PRKN: variants seen among roughly 807,000 people sequenced by gnomAD.
PRKN encodes the protein E3 ubiquitin-protein ligase parkin.
A neutral mutation model predicts 59.5 loss-of-function variants in PRKN; 56 were observed. The ratio of observed to expected loss-of-function variants is 0.94; its 90% CI spans 0.76 to 1.18. The LOEUF (loss-of-function observed/expected upper bound fraction) is 1.18, where lower values mean the gene tolerates loss of function less well. PRKN is among the 50% of genes most tolerant of loss of function. The probability of loss-of-function intolerance (pLI) is 0.00; values close to 1 mark genes in which losing one functional copy is unlikely to be tolerated. For synonymous variants in PRKN, 250 were observed against 222.1 expected (o/e 1.13, Z -1.12); for missense variants, 657 against 596.4 (o/e 1.10, Z -1.06).
chr6:161,952,661 A>G (rs950390808), intron 6 of PRKN, among the ~76,000 whole-genome samples: 12 of 152,178 alleles, frequency 7.9e-5, no homozygotes, highest in Non-Finnish European at 7.4e-5. Context: ...ACAGTAGTAA[A>G]ACTATGTGCC....
intron 5 of PRKN, among the ~76,000 whole-genome samples, chr6:162,018,103 T>C (rs1782996600): frequency 6.6e-6 from 1 of 152,204 alleles, no homozygotes; most frequent in Non-Finnish European, 1.5e-5. Context: ...CTCCGCTCAC[T>C]GCAAGCTCCA....
At chr6:162,185,751 T>G (rs927624202) in intron 4 of PRKN, among the ~76,000 whole-genome samples, 2 of 152,160 alleles carry the variant, frequency 1.3e-5, no homozygotes, top group African/African-American at 4.8e-5. Flanking sequence ...GCGGCATCCA[T>G]GGCCTCAACA....
chr6:162,609,540 A>C (rs187534970), intron 1 of PRKN, among the ~76,000 whole-genome samples: 3 of 152,176 alleles, frequency 2.0e-5, no homozygotes, highest in African/African-American at 7.2e-5. Context: ...TATCACTAAC[A>C]CTGATATCAA....
chr6:162,020,589 C>T (rs1488822959), intron 5 of PRKN, among the ~76,000 whole-genome samples: 3 of 151,866 alleles, frequency 2.0e-5, no homozygotes, highest in Non-Finnish European at 4.4e-5. Flanking sequence ...TGTAGGTAAA[C>T]AAAAAAGTTC....
At chr6:162,040,712 C>A (rs1400486897) in intron 5 of PRKN, among the ~76,000 whole-genome samples, 1 of 151,348 alleles carries the variant, frequency 6.6e-6, no homozygotes, top group African/African-American at 2.4e-5. Context: ...AGCCACCATG[C>A]CTGGCCTAGA....
intron 6 of PRKN, among the ~76,000 whole-genome samples, chr6:161,911,809 T>C (rs1358308151): frequency 5.3e-5 from 8 of 152,202 alleles, no homozygotes; most frequent in African/African-American, 1.7e-4. Flanking sequence ...ATCTCCATTG[T>C]ATTCCTTAAA....
intron 7 of PRKN, among the ~76,000 whole-genome samples, chr6:161,745,654 T>C (rs1340008628): frequency 6.6e-6 from 1 of 152,074 alleles, no homozygotes. Context: ...GGCTAGAATA[T>C]AGGAAAAGGA....
rs1194825564 is a variant in PRKN at position 161,369,518 on chromosome 6, G to C, written c.1168-9313C>G. On this transcript the variant is annotated intron_variant, in intron 10 of 11. Transcript: ENST00000366898. This position sits in a 1 kb window ranked among gnomAD's most constrained non-coding sequence, Gnocchi z 5.8. ...GCTTATTGTGTTGCCAGGAGGGGAA[G>C]GTTTTGTTGTGATTCAGCATCACCG... is the stretch of plus-strand genomic sequence containing the variant. Among the ~76,000 whole-genome samples, 1 of 152,130 alleles carries C rather than the reference G, an allele frequency of 6.6e-6. No homozygotes were observed. Among genetic ancestry groups the C allele is most frequent in the East Asian group, 1.9e-4 (1 of 5,188 alleles).
At chr6:162,475,441 G>A (rs965618312) in intron 1 of PRKN, among the ~76,000 whole-genome samples, 2 of 151,678 alleles carry the variant, frequency 1.3e-5, no homozygotes, top group Non-Finnish European at 1.5e-5. Flanking sequence ...GAGAAACTTG[G>A]AGGAGGAACA....
rs1206889235 is a variant in PRKN, at chr6:161,369,774, A to G, written c.1168-9569T>C. Among the ~76,000 whole-genome samples, 4 of 151,684 alleles carry G rather than the reference A, an allele frequency of 2.6e-5. No individual in the cohort carries two copies. Among genetic ancestry groups the G allele is most frequent in the Admixed American group, 6.6e-5 (1 of 15,180 alleles). The stretch of plus-strand genomic sequence containing the variant: ...TATATATATGAAACATCTATAATAT[A>G]CTTATATATAGATGTTTCATATATA... On this transcript the variant is annotated intron_variant, in intron 10 of 11. Transcript: ENST00000366898. This position sits in a 1 kb window ranked among gnomAD's most constrained non-coding sequence, Gnocchi z 5.8.
chr6:162,058,563 T>C (rs2128286832), intron 4 of PRKN, among the ~76,000 whole-genome samples: 1 of 152,308 alleles, frequency 6.6e-6, no homozygotes, highest in South Asian at 2.1e-4. Flanking sequence ...ATTAACTAAA[T>C]GGGACAACAT....
rs970593543 is a variant in PRKN at position 161,363,217 on chromosome 6, C to T, written c.1168-3012G>A. The stretch of plus-strand genomic sequence containing the variant: ...AGATTTTGCCACTGCATTCCAGTCC[C>T]GGTGATGGAGTGGGACTCTGTCTCA... On this transcript the variant is annotated intron_variant, in intron 10 of 11. Transcript: ENST00000366898. The surrounding 1 kb of genome is among the most constrained non-coding windows in gnomAD (Gnocchi z 4.1). 2.6e-5 allele frequency among the ~76,000 whole-genome samples: 4 copies of T among 151,954 alleles called. No individual in the cohort carries two copies. The highest frequency in any genetic ancestry group is 5.9e-5 in the Non-Finnish European group (4 of 67,994).
rs556702688 is a variant in PRKN at position 162,616,745 on chromosome 6, G to A, written c.7+110917C>T. Among the ~76,000 whole-genome samples, 3 of 152,128 alleles carry A rather than the reference G, an allele frequency of 2.0e-5. No homozygotes were observed. In the East Asian group the frequency reaches 5.8e-4, roughly 29 times the overall value. On this transcript the variant is annotated intron_variant, in intron 1 of 11. Coordinates refer to ENST00000366898, the MANE Select transcript of PRKN (RefSeq NM_004562.3). ...GCCTTACATAATATAACACTATTCTGATACATCTTGACATATACATTATGT... is the reference window on the plus strand; with the variant it reads ...GCCTTACATAATATAACACTATTCTAATACATCTTGACATATACATTATGT...
intron 1 of PRKN, among the ~76,000 whole-genome samples, chr6:162,711,457 TG>T (rs1177704917): frequency 5.4e-5 from 8 of 149,216 alleles, no homozygotes; most frequent in Non-Finnish European, 1.2e-4. Context: ...CATGTGGACA[TG>T]GCTGGCCCTG....
chr6:161,964,997 T>C (rs1016904755), intron 6 of PRKN, among the ~76,000 whole-genome samples: 4 of 152,056 alleles, frequency 2.6e-5, no homozygotes, highest in African/African-American at 9.7e-5. Context: ...ACATAACAAA[T>C]GCATTCAAAG....
At chr6:161,441,435 A>G (rs1789217299) in intron 9 of PRKN, among the ~76,000 whole-genome samples, 1 of 152,006 alleles carries the variant, frequency 6.6e-6, no homozygotes, top group Non-Finnish European at 1.5e-5. Context: ...ACTTGAGGTC[A>G]GGAGTTTGAA....
chr6:161,878,095 G>A (rs549431121), intron 6 of PRKN, among the ~76,000 whole-genome samples: 5 of 152,222 alleles, frequency 3.3e-5, no homozygotes, highest in South Asian at 4.2e-4. Flanking sequence ...CTACACAGTC[G>A]GCTGGAGGGA....
chr6:162,506,159 T>C (rs1293180591), intron 1 of PRKN, among the ~76,000 whole-genome samples: 2 of 148,456 alleles, frequency 1.3e-5, no homozygotes, highest in Non-Finnish European at 3.0e-5. Flanking sequence ...CCTCATTCAA[T>C]AGTTGGTATT....
At chr6:162,206,925 G>A (rs1481130620) in intron 3 of PRKN, among the ~76,000 whole-genome samples, 1 of 152,186 alleles carries the variant, frequency 6.6e-6, no homozygotes, top group Non-Finnish European at 1.5e-5. Context: ...TATGGAGAGA[G>A]AACCCACTTT....
Sources: allele counts gnomAD v4.1 joint callset (sites outside exome capture counted in the v4.1 genomes callset), GRCh38; gene constraint gnomAD v4.1.1; non-coding constraint Gnocchi (gnomAD v3.1); transcripts MANE v1.5; gene names NCBI Gene and HGNC (gene_info 2026-07-23, HGNC 2026-07-21).